Variants in LRPPRC observed in about 807,000 individuals in gnomAD.
LRPPRC encodes the protein leucine-rich PPR motif-containing protein, mitochondrial.
LRPPRC carries 120 observed loss-of-function variants against 180.3 expected under a neutral mutation model. The ratio of observed to expected loss-of-function variants is 0.67; its 90% CI spans 0.57 to 0.77. The LOEUF is 0.77. LRPPRC is among the 30% of genes least tolerant of loss of function. The pLI is 0.00. For synonymous variants in LRPPRC, 723 were observed against 600.0 expected (o/e 1.21, Z -3.00); for missense variants, 2,012 against 1,657.2 (o/e 1.21, Z -3.72).
chr2:43,974,450 C>A (rs1396284189), intron 8 of LRPPRC, among the ~76,000 whole-genome samples, 155 bp from the exon 9 acceptor site: 1 of 152,094 alleles, frequency 6.6e-6, no homozygotes. Context: ...TCAAATCATC[C>A]CCATGTGTTC....
At chr2:43,957,806 T>C (rs1316257346) in intron 13 of LRPPRC, among the ~76,000 whole-genome samples, 2 of 152,130 alleles carry the variant, frequency 1.3e-5, no homozygotes, top group Non-Finnish European at 2.9e-5. Flanking sequence ...AGAGAGACTG[T>C]AATACCCTAC....
intron 14 of LRPPRC, among the ~76,000 whole-genome samples, chr2:43,953,031 C>G (rs1672965167): frequency 6.6e-6 from 1 of 152,196 alleles, no homozygotes; most frequent in South Asian, 2.1e-4. Context: ...GTTTCTTAAG[C>G]TACTACCAAT....
intron 25 of LRPPRC, 61 bp from the exon 26 acceptor site, chr2:43,926,022 T>C: frequency 3.0e-6 from 3 of 987,698 alleles, no homozygotes; most frequent in Non-Finnish European, 4.9e-6. Context: ...ATTATTTTTT[T>C]CCTCAAAGAC....
chr2:43,903,923 T>C (rs72496673), intron 31 of LRPPRC: 1 of 152,230 alleles, frequency 6.6e-6, no homozygotes, highest in East Asian at 1.9e-4. Context: ...TTTTATTACA[T>C]AAAATACTAA....
intron 13 of LRPPRC, among the ~76,000 whole-genome samples, chr2:43,958,121 T>G (rs1673197473): frequency 6.6e-6 from 1 of 152,230 alleles, no homozygotes; most frequent in South Asian, 2.1e-4. Context: ...TGCCATTGTG[T>G]AAGAATCACA....
chr2:43,948,087 G>C (rs759549987), intron 18 of LRPPRC, 35 bp downstream of exon 18: 2 of 1,293,194 alleles, frequency 1.5e-6, no homozygotes, highest in Non-Finnish European at 2.2e-6. Flanking sequence ...TGTAAGTTAA[G>C]CATTTTATCC....
At chr2:43,984,362 T>C (rs1369738040) in intron 1 of LRPPRC, among the ~76,000 whole-genome samples, 2 of 152,256 alleles carry the variant, frequency 1.3e-5, no homozygotes, top group East Asian at 1.9e-4. Context: ...CGCTACAGGA[T>C]ATTTTTTAAA....
intron 11 of LRPPRC, among the ~76,000 whole-genome samples, chr2:43,967,176 A>T (rs1383086248): frequency 6.6e-6 from 1 of 152,146 alleles, no homozygotes; most frequent in Non-Finnish European, 1.5e-5. Flanking sequence ...AGGTGGGAGG[A>T]TTGCTTGAAC....
At chr2:43,916,492 A>G (rs529475181) in intron 29 of LRPPRC, among the ~76,000 whole-genome samples, 86 of 152,278 alleles carry the variant, frequency 5.6e-4, no homozygotes, top group Admixed American at 2.7e-3. Flanking sequence ...ATATTGCTGG[A>G]TCACTTCAAC....
chr2:43,982,212 T>G, intron 2 of LRPPRC, 26 bp downstream of exon 2: 1 of 1,529,210 alleles, frequency 6.5e-7, no homozygotes, highest in African/African-American at 1.4e-5. Flanking sequence ...AAAAGTCAAC[T>G]TTATGAACAG....
At chr2:43,965,476 G>C (rs1304491962) in intron 11 of LRPPRC, among the ~76,000 whole-genome samples, 3 of 152,252 alleles carry the variant, frequency 2.0e-5, no homozygotes, top group South Asian at 2.1e-4. Context: ...TTTTGGACTT[G>C]AGACCAAAGC....
Position 43,888,668 on chromosome 2 carries a change from A to T in LRPPRC, c.4129-12T>A, listed in dbSNP as rs752794686. 5.2e-6 allele frequency: 8 copies of T among 1,528,582 alleles called. No homozygotes were observed. The highest frequency in any genetic ancestry group is 6.3e-6 in the Non-Finnish European group (7 of 1,102,940). 94.7% of individuals were successfully genotyped at this position (1,528,582 alleles called of 1,614,324 possible). A position where few individuals can be genotyped will look rare whatever the true frequency, so the allele number is the denominator to read the frequency against. On this transcript the variant is annotated splice_polypyrimidine_tract_variant and intron_variant, in intron 37 of 37. Coordinates refer to ENST00000260665, the MANE Select transcript of LRPPRC (RefSeq NM_133259.4). ...AATTCAAAGCTTTCCTGTTAAGGAG[A>T]AAAAAAGAGGGAAGTTAGAGATACC...
At chr2:43,934,948 G>C in intron 23 of LRPPRC, 70 bp from the exon 24 acceptor site, 1 of 1,319,982 alleles carries the variant, frequency 7.6e-7, no homozygotes, top group African/African-American at 1.4e-5. Flanking sequence ...TAATACTTTA[G>C]AGAGATGTTT....
rs531965014 is a variant in LRPPRC at position 43,942,024 on chromosome 2, T to C, written c.2504+1663A>G. ...CACAGAAATATCTGACTTCAGGATATAATCAGAAGCACAGAGGATGCTCTA... is the reference window on the plus strand; with the variant it reads ...CACAGAAATATCTGACTTCAGGATACAATCAGAAGCACAGAGGATGCTCTA... On this transcript the variant is annotated intron_variant, in intron 23 of 37. Transcript: ENST00000260665. Among the ~76,000 whole-genome samples, 10 of 152,166 alleles carry C rather than the reference T, an allele frequency of 6.6e-5. No homozygotes were observed. In the South Asian group the frequency reaches 1.0e-3, roughly 16 times the overall value.
At chr2:43,968,765 AATAAG>A (rs1266447999) in intron 11 of LRPPRC, among the ~76,000 whole-genome samples, 1 of 152,200 alleles carries the variant, frequency 6.6e-6, no homozygotes, top group Non-Finnish European at 1.5e-5. Context: ...ACTTTCTGTT[AATAAG>A]ATGAGTAAGT....
At chr2:43,896,083 A>G (rs978976057) in intron 35 of LRPPRC, among the ~76,000 whole-genome samples, 6 of 152,026 alleles carry the variant, frequency 3.9e-5, no homozygotes, top group Admixed American at 2.0e-4. Context: ...TACCTGATAA[A>G]TGCTCAAAAG....
At chr2:43,916,718 C>T (rs745874367) in intron 29 of LRPPRC, among the ~76,000 whole-genome samples, 8 of 151,936 alleles carry the variant, frequency 5.3e-5, no homozygotes, top group Non-Finnish European at 1.0e-4. Context: ...CTTCGTGAGG[C>T]CGAGGTGGGA....
In LRPPRC at chr2:43,970,838, G is replaced by A. The variant is rs1289517929; in HGVS notation, c.1369+2769C>T. Among the ~76,000 whole-genome samples the A allele has an allele frequency of 3.9e-5, 6 of 152,278 alleles. No homozygotes were observed. In the South Asian group the frequency reaches 6.2e-4, roughly 16 times the overall value. ...AGTTCCGCCAAGAGTGGTGGCTCAC[G>A]CCTATAATCCCAGCATTTTGGGAGG... is the stretch of plus-strand genomic sequence containing the variant. On this transcript the variant is annotated intron_variant, in intron 11 of 37. Coordinates refer to ENST00000260665, the MANE Select transcript of LRPPRC (RefSeq NM_133259.4).
At chr2:43,939,653 A>G (rs955739566) in intron 23 of LRPPRC, among the ~76,000 whole-genome samples, 4 of 152,216 alleles carry the variant, frequency 2.6e-5, no homozygotes, top group African/African-American at 9.7e-5. Flanking sequence ...GAAAGAGCTA[A>G]ATGTTTTTTT....
Sources: allele counts gnomAD v4.1 joint callset (sites outside exome capture counted in the v4.1 genomes callset), GRCh38; gene constraint gnomAD v4.1.1; transcripts MANE v1.5; gene names NCBI Gene and HGNC (gene_info 2026-07-23, HGNC 2026-07-21).